B4GALT5: variants seen among roughly 807,000 people sequenced by gnomAD.
The protein encoded by B4GALT5 is UDP-Gal:beta-GlcNAc beta-1,4-galactosyltransferase 5.
In B4GALT5, 11 loss-of-function variants were observed where a neutral mutation model predicts 45.0. The ratio of observed to expected loss-of-function variants is 0.24; its 90% CI spans 0.15 to 0.40. B4GALT5 has a LOEUF of 0.40. Among genes scored for constraint, B4GALT5 ranks in the 10% least tolerant of loss-of-function variants. The pLI, the probability that B4GALT5 is intolerant of heterozygous loss-of-function variation, is 1.00. For synonymous variants in B4GALT5, 185 were observed against 182.9 expected, an observed-to-expected ratio of 1.01 and a Z score of -0.09; for missense variants, 337 against 500.2, an observed-to-expected ratio of 0.67 and a Z score of 3.11.
chr20:49,705,524 T>C (rs2085880203), intron 1 of B4GALT5, among the ~76,000 whole-genome samples: 1 of 152,140 alleles, frequency 6.6e-6, no homozygotes, highest in South Asian at 2.1e-4. Context: ...GACCTTGCCA[T>C]TCACCCCAAA....
chr20:49,699,367 C>CAAAAAAAAAA, intron 1 of B4GALT5, among the ~76,000 whole-genome samples: 1 of 93,798 alleles, frequency 1.1e-5, no homozygotes, highest in Non-Finnish European at 2.1e-5. Flanking sequence ...CCTAAATGGG[C>CAAAAAAAAAA]AAAAAAAAAA....
intron 1 of B4GALT5, among the ~76,000 whole-genome samples, chr20:49,705,452 T>C (rs897788576): frequency 3.9e-5 from 6 of 152,198 alleles, no homozygotes; most frequent in African/African-American, 1.4e-4. Context: ...GATTTCCATG[T>C]AGAGACACGA....
At position 49,635,447 on chromosome 20, in the gene B4GALT5, G is replaced by GC. The variant is rs1050834753; in HGVS notation, c.*864_*865insG. ...GAAGTCAAGGGCAAGACTCGTGGGG[G>GC]GGGGAAGAAAGGGACAGAAGCCAGC... On this transcript the variant is annotated 3_prime_UTR_variant, in exon 9 of 9. Transcript: ENST00000371711. The GC allele has an allele frequency of 2.6e-5, 4 of 151,986 alleles. No homozygotes were observed. The highest frequency in any genetic ancestry group is 1.9e-4 in the East Asian group (1 of 5,184). The allele number at this position is 151,986 out of a possible 1,614,324, so 9.4% of individuals were successfully genotyped here. A position where few individuals can be genotyped will look rare whatever the true frequency, so the allele number is the denominator to read the frequency against.
intron 1 of B4GALT5, among the ~76,000 whole-genome samples, chr20:49,673,255 C>CT (rs2085723486): frequency 6.6e-6 from 1 of 152,010 alleles, no homozygotes. Context: ...TGGTGGATGC[C>CT]TGTAATCCCA....
At chr20:49,654,644 C>T (rs1157886015) in intron 2 of B4GALT5, among the ~76,000 whole-genome samples, 2 of 152,118 alleles carry the variant, frequency 1.3e-5, no homozygotes, top group African/African-American at 2.4e-5. Context: ...ATTTTCTAAG[C>T]GCCACAGAAT....
intron 1 of B4GALT5, among the ~76,000 whole-genome samples, chr20:49,713,019 G>A (rs1464994329): frequency 6.6e-6 from 1 of 151,352 alleles, no homozygotes; most frequent in African/African-American, 2.4e-5. Flanking sequence ...GGGAAGTAGA[G>A]GAAGAAAGGG....
At chr20:49,646,558 G>T (rs545417584) in intron 3 of B4GALT5, among the ~76,000 whole-genome samples, 1 of 152,168 alleles carries the variant, frequency 6.6e-6, no homozygotes, top group Non-Finnish European at 1.5e-5. Context: ...TACAGCCTAG[G>T]GGTGTCGCAG....
intron 1 of B4GALT5, among the ~76,000 whole-genome samples, chr20:49,659,930 C>A (rs2085658694): frequency 6.6e-6 from 1 of 152,014 alleles, no homozygotes; most frequent in Admixed American, 6.6e-5. Flanking sequence ...CAGGTGCATG[C>A]CACCATGCCT....
At chr20:49,691,341 G>A (rs2085810694) in intron 1 of B4GALT5, among the ~76,000 whole-genome samples, 1 of 152,048 alleles carries the variant, frequency 6.6e-6, no homozygotes, top group South Asian at 2.1e-4. Flanking sequence ...ACATAGTGAG[G>A]CCCTGTCTCT....
intron 1 of B4GALT5, among the ~76,000 whole-genome samples, 182 bp from the exon 2 acceptor site, chr20:49,656,884 T>C (rs2085645677): frequency 1.3e-5 from 2 of 152,176 alleles, no homozygotes; most frequent in Admixed American, 6.5e-5. Flanking sequence ...ATCTTTTGGG[T>C]AGCTAGTAGA....
chr20:49,682,247 G>A (rs1339279160), intron 1 of B4GALT5, among the ~76,000 whole-genome samples: 1 of 152,228 alleles, frequency 6.6e-6, no homozygotes, highest in Non-Finnish European at 1.5e-5. Flanking sequence ...ATAAAGCACT[G>A]CTGGACACCC....
At chr20:49,665,233 T>C (rs950979454) in intron 1 of B4GALT5, among the ~76,000 whole-genome samples, 6 of 151,678 alleles carry the variant, frequency 4.0e-5, no homozygotes, top group African/African-American at 1.2e-4. Flanking sequence ...GCCTGGGCTG[T>C]TCCTAGTGAG....
rs897938336 is a variant in B4GALT5 at position 49,687,441 on chromosome 20, C to T, written c.115+26135G>A. Among the ~76,000 whole-genome samples the T allele has an allele frequency of 2.6e-5, 4 of 152,074 alleles. No homozygotes were observed. In the South Asian group the frequency reaches 6.2e-4, roughly 24 times the overall value. ...TGGGCGGATCATAAGGTCAGTAGTT[C>T]GAGACCAGCCTGGCCAACATGGTGA... On this transcript the variant is annotated intron_variant, in intron 1 of 8. Coordinates refer to ENST00000371711, the MANE Select transcript of B4GALT5 (RefSeq NM_004776.4).
intron 1 of B4GALT5, among the ~76,000 whole-genome samples, chr20:49,682,253 C>T (rs972964996): frequency 1.3e-5 from 2 of 152,210 alleles, no homozygotes; most frequent in Admixed American, 6.5e-5. Context: ...CACTGCTGGA[C>T]ACCCTGTGCC....
intron 7 of B4GALT5, among the ~76,000 whole-genome samples, chr20:49,639,242 T>C (rs377516461): frequency 2.8e-4 from 42 of 152,356 alleles, no homozygotes; most frequent in African/African-American, 9.1e-4. Context: ...GATTTTCGCA[T>C]GTCAAAGGAG....
In B4GALT5 at chr20:49,712,663, C is replaced by A. The variant is rs182128303; in HGVS notation, c.115+913G>T. ...CCTTTGTCCGCAGAGCAGGCACTAT[C>A]CAATACTGAAGAACCACACCATCTA... On this transcript the variant is annotated intron_variant, in intron 1 of 8. Coordinates refer to ENST00000371711, the MANE Select transcript of B4GALT5 (RefSeq NM_004776.4). Among the ~76,000 whole-genome samples, 797 of 152,214 alleles carry A rather than the reference C, an allele frequency of 5.2e-3. 3 individuals carry two copies. The highest frequency in any genetic ancestry group is 0.02 in the Middle Eastern group (6 of 294).
At chr20:49,697,546 T>A (rs1205169716) in intron 1 of B4GALT5, among the ~76,000 whole-genome samples, 1 of 151,952 alleles carries the variant, frequency 6.6e-6, no homozygotes, top group South Asian at 2.1e-4. Context: ...GCCCCGTGAT[T>A]AAGGGATGGC....
intron 1 of B4GALT5, among the ~76,000 whole-genome samples, chr20:49,707,433 T>C (rs1044499812): frequency 2.0e-5 from 3 of 152,088 alleles, no homozygotes; most frequent in Admixed American, 6.6e-5. Context: ...GTAACCCATA[T>C]TTCCCCATAT....
chr20:49,664,908 T>G (rs1331092412), intron 1 of B4GALT5, among the ~76,000 whole-genome samples: 1 of 152,236 alleles, frequency 6.6e-6, no homozygotes, highest in African/African-American at 2.4e-5. Context: ...ACTGGTGAAC[T>G]CAGGTGTAGA....
Sources: allele counts gnomAD v4.1 joint callset (sites outside exome capture counted in the v4.1 genomes callset), GRCh38; gene constraint gnomAD v4.1.1; transcripts MANE v1.5; gene names NCBI Gene and HGNC (gene_info 2026-07-23, HGNC 2026-07-21).